The following ARID4A variants were observed in gnomAD, a reference collection of about 807,000 sequenced individuals.
ARID4A encodes the protein AT-rich interaction domain 4A, also known as AT-rich interactive domain-containing protein 4A.
Under a neutral mutation model 148.6 loss-of-function variants are expected in ARID4A, and 39 were observed. The observed-to-expected ratio is 0.26, with a 90% CI of 0.20 to 0.34. The LOEUF is 0.34. Ranked by LOEUF, ARID4A falls within the 10% of genes least tolerant of loss-of-function variation. ARID4A has a pLI of 1.00. For synonymous variants in ARID4A, 475 were observed against 481.2 expected (o/e 0.99, Z 0.17); for missense variants, 1,265 against 1,449.1 (o/e 0.87, Z 2.06).
intron 14 of ARID4A, 31 bp downstream of exon 14, chr14:58,347,148 A>G (rs2034412816): frequency 1.7e-6 from 2 of 1,164,532 alleles, no homozygotes; most frequent in Non-Finnish European, 1.2e-6. Context: ...ATCAAAGAAT[A>G]TATATTTATA....
Position 58,360,982 on chromosome 14 carries a change from A to G in ARID4A, c.2020A>G (p.Thr674Ala), listed in dbSNP as rs548662707. 1.2e-5 allele frequency: 19 copies of G among 1,614,138 alleles called. No individual in the cohort carries two copies. Among genetic ancestry groups the G allele is most frequent in the African/African-American group, 9.3e-5 (7 of 75,052 alleles). ...ACGGGGACGACCTCCTTTAAAATCAACCCTCTCATCAAACATGCCGTATGG... is the reference window on the plus strand; with the variant it reads ...ACGGGGACGACCTCCTTTAAAATCAGCCCTCTCATCAAACATGCCGTATGG... ...SKRGRPPLKSTLSSNMPYGLS... is the reference protein window; with the variant it reads ...SKRGRPPLKSALSSNMPYGLS... Residue 674 changes from threonine to alanine, a missense_variant, in exon 19 of 24, where the codon ACC (threonine) becomes GCC (alanine). Thr to Ala is a moderately conservative substitution (Grantham distance 58). Coordinates refer to ENST00000355431, the MANE Select transcript of ARID4A (RefSeq NM_002892.4).
intron 5 of ARID4A, 75 bp downstream of exon 5, chr14:58,306,187 C>T (rs1451834901): frequency 2.9e-6 from 3 of 1,033,400 alleles, no homozygotes; most frequent in Non-Finnish European, 3.0e-6. Context: ...TACACTGAAT[C>T]ATTGTGTTGG....
chr14:58,341,300 G>A (rs1301783550), intron 11 of ARID4A, among the ~76,000 whole-genome samples: 2 of 152,176 alleles, frequency 1.3e-5, no homozygotes, highest in South Asian at 2.1e-4. Flanking sequence ...ACAGTATCAA[G>A]TTTTGTTTCT....
In ARID4A at chr14:58,327,507, AT is replaced by A. The variant is rs796761376; in HGVS notation, c.583-718del. 6.0e-3 allele frequency among the ~76,000 whole-genome samples: 878 copies of A among 146,464 alleles called. 9 individuals carry two copies. The highest frequency in any genetic ancestry group is 0.018 in the African/African-American group (729 of 40,214). On this transcript the variant is annotated intron_variant, in intron 8 of 23. Coordinates refer to ENST00000355431, the MANE Select transcript of ARID4A (RefSeq NM_002892.4). The stretch of plus-strand genomic sequence containing the variant: ...ATCTTGGTTAAAAAAGGTAACATAG[AT>A]TTTTTTTTTTTAATGACCAGATTTC...
intron 5 of ARID4A, among the ~76,000 whole-genome samples, chr14:58,313,231 A>T (rs2032175354): frequency 6.6e-6 from 1 of 152,204 alleles, no homozygotes; most frequent in African/African-American, 2.4e-5. Context: ...TTCTGAGAGC[A>T]GTGGTCCCCA....
At chr14:58,333,805 A>T (rs1035820518) in intron 11 of ARID4A, among the ~76,000 whole-genome samples, 1 of 152,154 alleles carries the variant, frequency 6.6e-6, no homozygotes, top group African/African-American at 2.4e-5. Flanking sequence ...ATAAACTTAC[A>T]GTAAATGCTG....
chr14:58,318,005 T>TA (rs1193836072), intron 5 of ARID4A, among the ~76,000 whole-genome samples: 3 of 152,242 alleles, frequency 2.0e-5, no homozygotes, highest in Non-Finnish European at 2.9e-5. Context: ...ACAGACTACT[T>TA]ACATCCTTTT....
intron 3 of ARID4A, chr14:58,303,709 T>A: frequency 3.6e-6 from 1 of 276,666 alleles, no homozygotes; most frequent in South Asian, 3.2e-5. Flanking sequence ...TGGGAACTTG[T>A]TCCAAATGCA....
chr14:58,318,110 ATAATT>A, intron 5 of ARID4A, among the ~76,000 whole-genome samples: 1 of 152,370 alleles, frequency 6.6e-6, no homozygotes, highest in African/African-American at 2.4e-5. Flanking sequence ...AAGCAGTAGA[ATAATT>A]CAATAGCAAT....
chr14:58,365,937 C>G, intron 21 of ARID4A, 87 bp from the exon 22 acceptor site: 1 of 1,148,992 alleles, frequency 8.7e-7, no homozygotes, highest in Non-Finnish European at 1.2e-6. Context: ...CTGTAGGATA[C>G]CAAGAAATGT....
chr14:58,325,012 A>G (rs915318553), intron 8 of ARID4A, among the ~76,000 whole-genome samples: 1 of 152,232 alleles, frequency 6.6e-6, no homozygotes, highest in Non-Finnish European at 1.5e-5. Flanking sequence ...GGGTTCACCT[A>G]AAATTTAAGG....
At chr14:58,349,215 T>C (rs2034517687) in intron 15 of ARID4A, among the ~76,000 whole-genome samples, 3 of 152,238 alleles carry the variant, frequency 2.0e-5, no homozygotes, top group Admixed American at 6.5e-5. Context: ...AATATTTTAT[T>C]GTATGTATTG....
At chr14:58,319,385 C>G (rs1377796004) in intron 7 of ARID4A, among the ~76,000 whole-genome samples, 1 of 151,700 alleles carries the variant, frequency 6.6e-6, no homozygotes, top group Non-Finnish European at 1.5e-5. Flanking sequence ...TGCGCCAGGC[C>G]CAAAGTTTTT....
At chr14:58,301,487 C>A in intron 2 of ARID4A, 93 bp from the exon 3 acceptor site, 1 of 774,430 alleles carries the variant, frequency 1.3e-6, no homozygotes, top group Non-Finnish European at 2.0e-6. Flanking sequence ...TTTTAATATT[C>A]TTAATGCTTC....
chr14:58,364,527 G>C lies in ARID4A; in HGVS notation c.2438G>C (p.Gly813Ala). 6.2e-7 allele frequency: 1 copy of C among 1,611,818 alleles called. No homozygotes were observed. The highest frequency in any genetic ancestry group is 1.1e-5 in the South Asian group (1 of 90,264). ...SLEIIKISSFGQNEAGSEPHI... is the reference protein window; with the variant it reads ...SLEIIKISSFAQNEAGSEPHI... ...GAAATTATAAAGATTTCATCATTTG[G>C]CCAGAATGAAGCAGGAAGTGAACCT... The change falls in exon 20 of 24, where the codon GGC (glycine) becomes GCC (alanine). Residue 813 changes from glycine to alanine, a missense_variant. Around this residue, in one of 9 missense-constraint regions of ARID4A, gnomAD observed 666 missense variants for 730.9 expected, o/e 0.91. Coordinates refer to ENST00000355431, the MANE Select transcript of ARID4A (RefSeq NM_002892.4).
intron 3 of ARID4A, among the ~76,000 whole-genome samples, chr14:58,303,002 C>CT (rs998963519): frequency 1.5e-4 from 23 of 148,476 alleles, no homozygotes; most frequent in Admixed American, 9.4e-4. Flanking sequence ...TCTGAAATAA[C>CT]TTTTTTTTTT....
intron 4 of ARID4A, among the ~76,000 whole-genome samples, chr14:58,305,283 C>T (rs2031514991): frequency 1.3e-5 from 2 of 152,000 alleles, no homozygotes; most frequent in Non-Finnish European, 2.9e-5. Context: ...AACTGGATAC[C>T]TGGCTTTGTT....
At chr14:58,303,157 A>T (rs2096449429) in intron 3 of ARID4A, among the ~76,000 whole-genome samples, 1 of 152,162 alleles carries the variant, frequency 6.6e-6, no homozygotes, top group Admixed American at 6.5e-5. Flanking sequence ...TCCTTAAAAA[A>T]TTTTATTTAA....
intron 11 of ARID4A, among the ~76,000 whole-genome samples, chr14:58,334,343 T>C (rs2033689330): frequency 6.6e-6 from 1 of 152,166 alleles, no homozygotes; most frequent in Non-Finnish European, 1.5e-5. Context: ...ACTGATAAAA[T>C]ACAAGAATCA....
Sources: gnomAD v4.1 joint callset for allele counts (sites outside exome capture counted in the v4.1 genomes callset) on GRCh38, gnomAD v4.1.1 for gene constraint, gnomAD v4.1.1 regional missense constraint, MANE v1.5 for transcripts, NCBI Gene and HGNC (gene_info 2026-07-23, HGNC 2026-07-21) for gene names.